Variants in HACD3 observed in about 807,000 individuals in gnomAD.
HACD3 encodes the protein very-long-chain (3R)-3-hydroxyacyl-CoA dehydratase 3.
HACD3 carries 30 observed loss-of-function variants against 55.2 expected under a neutral mutation model. The observed-to-expected ratio is 0.54, with a 90% CI of 0.41 to 0.74. The LOEUF is 0.74. Ranked by LOEUF, HACD3 falls within the 30% of genes least tolerant of loss-of-function variation. The pLI is 0.00. For synonymous variants in HACD3, 141 were observed against 151.7 expected (o/e 0.93, Z 0.52); for missense variants, 363 against 440.1 (o/e 0.82, Z 1.57).
chr15:65,549,641 C>T (rs1042613961), intron 1 of HACD3, among the ~76,000 whole-genome samples: 1 of 150,518 alleles, frequency 6.6e-6, no homozygotes, highest in African/African-American at 2.4e-5. Context: ...CAAGACCCAC[C>T]AAAGGTGTAA....
chr15:65,530,492 G>A lies in HACD3; in HGVS notation c.-140G>A, dbSNP rs893372724. On this transcript the variant is annotated 5_prime_UTR_variant, in exon 1 of 11. Transcript: ENST00000261875. ...CTGCGCAGGCGCGGCCCGCGAGCGT[G>A]GGGTATCTCGAGGTGCCGGGTTGCA... The A allele has an allele frequency of 2.8e-5, 19 of 675,588 alleles. No individual in the cohort carries two copies. The highest frequency in any genetic ancestry group is 7.7e-5 in the African/African-American group (4 of 52,198). The allele number at this position is 675,588 out of a possible 1,614,324, so 41.8% of individuals were successfully genotyped here.
At chr15:65,570,838 G>T (rs1454856784) in intron 8 of HACD3, among the ~76,000 whole-genome samples, 1 of 152,158 alleles carries the variant, frequency 6.6e-6, no homozygotes, top group Non-Finnish European at 1.5e-5. Context: ...TGACAAAGTT[G>T]CTAGTTGAGA....
At chr15:65,538,081 A>T (rs958762276) in intron 1 of HACD3, among the ~76,000 whole-genome samples, 3 of 150,634 alleles carry the variant, frequency 2.0e-5, no homozygotes, top group South Asian at 4.2e-4. Flanking sequence ...TGTCAAGGAG[A>T]TTAATGTTGT....
At chr15:65,558,625 C>T in intron 4 of HACD3, 55 bp from the exon 5 acceptor site, 1 of 1,519,024 alleles carries the variant, frequency 6.6e-7, no homozygotes. Context: ...TGGACTTTTG[C>T]AAGCATCTGG....
At chr15:65,532,695 CCT>C (rs1392248112) in intron 1 of HACD3, among the ~76,000 whole-genome samples, 1 of 151,662 alleles carries the variant, frequency 6.6e-6, no homozygotes, top group African/African-American at 2.4e-5. Flanking sequence ...CATTTTTCCC[CCT>C]TATTGAGTTT....
chr15:65,536,471 T>C (rs1486965375), intron 1 of HACD3, among the ~76,000 whole-genome samples: 1 of 152,114 alleles, frequency 6.6e-6, no homozygotes, highest in African/African-American at 2.4e-5. Context: ...TTAATAACCC[T>C]ACAATGGGGT....
At chr15:65,551,808 A>G in intron 2 of HACD3, 90 bp downstream of exon 2, 1 of 1,497,802 alleles carries the variant, frequency 6.7e-7, no homozygotes, top group Non-Finnish European at 9.3e-7. Context: ...TATTTGTCTT[A>G]CTTGTTTTTT....
At chr15:65,536,718 C>T (rs778745919) in intron 1 of HACD3, among the ~76,000 whole-genome samples, 15 of 152,172 alleles carry the variant, frequency 9.9e-5, no homozygotes, top group South Asian at 6.2e-4. Context: ...ATCACGCCAC[C>T]GCACTCCAGT....
rs969960263 is a variant in HACD3, at chr15:65,559,472, A to T, written c.421+741A>T. Among the ~76,000 whole-genome samples the T allele has an allele frequency of 5.3e-5, 8 of 150,904 alleles. No individual in the cohort carries two copies. In the East Asian group the frequency reaches 1.4e-3, roughly 26 times the overall value. On this transcript the variant is annotated intron_variant, in intron 5 of 10. Coordinates refer to ENST00000261875, the MANE Select transcript of HACD3 (RefSeq NM_016395.4). ...ACTTGTTCTAAGTTGAAATTTTTCA[A>T]ATTTTAGTGGTACTTATCTAGCATG... is the stretch of plus-strand genomic sequence containing the variant.
chr15:65,537,206 G>C (rs2071963312), intron 1 of HACD3, among the ~76,000 whole-genome samples: 1 of 152,174 alleles, frequency 6.6e-6, no homozygotes, highest in Non-Finnish European at 1.5e-5. Context: ...TAACATAAAA[G>C]TGCAAGGTGA....
intron 1 of HACD3, among the ~76,000 whole-genome samples, chr15:65,545,371 C>CT (rs139081410): frequency 0.038 from 5,755 of 151,788 alleles, 160 homozygotes; most frequent in Non-Finnish European, 0.061. Flanking sequence ...TTGGCATGGG[C>CT]TAATAAATAA....
chr15:65,554,706 C>T (rs2072170442), intron 2 of HACD3, among the ~76,000 whole-genome samples, 181 bp from the exon 3 acceptor site: 1 of 151,990 alleles, frequency 6.6e-6, no homozygotes. Context: ...ACCCGGGAGG[C>T]GGAGCTTGCA....
intron 3 of HACD3, among the ~76,000 whole-genome samples, chr15:65,556,027 G>A (rs1346138640): frequency 6.6e-6 from 1 of 152,142 alleles, no homozygotes; most frequent in Non-Finnish European, 1.5e-5. Flanking sequence ...GGGGGAATCA[G>A]AGAAGGACAT....
At chr15:65,533,788 A>C (rs1229810308) in intron 1 of HACD3, among the ~76,000 whole-genome samples, 1 of 150,242 alleles carries the variant, frequency 6.7e-6, no homozygotes, top group African/African-American at 2.4e-5. Context: ...GTGGTGGCTC[A>C]TGCCTGTAAT....
chr15:65,530,465 C>T lies in HACD3; in HGVS notation c.-167C>T. 2 of 488,540 alleles carry T rather than the reference C, an allele frequency of 4.1e-6. 1 individual carries two copies. The highest frequency in any genetic ancestry group is 6.6e-6 in the Non-Finnish European group (2 of 303,140). The allele number at this position is 488,540 out of a possible 1,614,324, so 30.3% of individuals were successfully genotyped here. A position where few individuals can be genotyped will look rare whatever the true frequency, so the allele number is the denominator to read the frequency against. On this transcript the variant is annotated 5_prime_UTR_variant, in exon 1 of 11. Coordinates refer to ENST00000261875, the MANE Select transcript of HACD3 (RefSeq NM_016395.4). Reference sequence around the variant, plus strand: ...TGGCGCCGCCGCCATCCCGGCGCGTCACTGCGCAGGCGCGGCCCGCGAGCG... The same window carrying T: ...TGGCGCCGCCGCCATCCCGGCGCGTTACTGCGCAGGCGCGGCCCGCGAGCG...
rs763408225 is a variant in HACD3 at position 65,562,875 on chromosome 15, T to C, written c.523T>C (p.Leu175=). 6.2e-7 allele frequency: 1 copy of C among 1,613,956 alleles called. No individual in the cohort carries two copies. The highest frequency in any genetic ancestry group is 8.5e-7 in the Non-Finnish European group (1 of 1,179,878). The change falls in exon 6 of 11, where the codon TTG becomes CTG. Residue 175 remains leucine, a synonymous_variant. Coordinates refer to ENST00000261875, the MANE Select transcript of HACD3 (RefSeq NM_016395.4). ...CAACCTGACTGTGCGATTCTGTATC[T>C]TGGGAAAAGGCAAGTAAGACATTTT... ...FVNLTVRFCI[L]GKESFYDTFH... is the part of the protein sequence containing the mutation.
intron 1 of HACD3, chr15:65,531,115 C>T (rs971277244): frequency 4.2e-4 from 65 of 153,700 alleles, no homozygotes; most frequent in Non-Finnish European, 7.9e-4. Context: ...GTTGTGACAG[C>T]GGCTTGCTGG....
At chr15:65,530,823 G>A in intron 1 of HACD3, 105 bp downstream of exon 1, 2 of 1,131,450 alleles carry the variant, frequency 1.8e-6, no homozygotes, top group Non-Finnish European at 1.2e-6. Context: ...AGCCTGCAGT[G>A]CGCCAACAAG....
intron 2 of HACD3, among the ~76,000 whole-genome samples, chr15:65,552,607 A>AT (rs2141213611): frequency 6.6e-6 from 1 of 151,798 alleles, no homozygotes; most frequent in South Asian, 2.1e-4. Flanking sequence ...AAGTGCTGGG[A>AT]TTATAGGCGT....
Sources: allele counts gnomAD v4.1 joint callset (sites outside exome capture counted in the v4.1 genomes callset), GRCh38; gene constraint gnomAD v4.1.1; transcripts MANE v1.5; gene names NCBI Gene and HGNC (gene_info 2026-07-23, HGNC 2026-07-21).